Variants in IGF2BP1 observed in about 807,000 individuals in gnomAD.
The protein encoded by IGF2BP1 is insulin-like growth factor 2 mRNA-binding protein 1.
A neutral mutation model predicts 74.9 loss-of-function variants in IGF2BP1; 11 were observed. The ratio of observed to expected loss-of-function variants is 0.15; its 90% CI spans 0.09 to 0.24. The LOEUF is 0.24. Ranked by LOEUF, IGF2BP1 falls within the 10% of genes least tolerant of loss-of-function variation. The probability of loss-of-function intolerance (pLI) is 1.00; values close to 1 mark genes in which losing one functional copy is unlikely to be tolerated. For missense variants in IGF2BP1, 440 were observed against 757.4 expected (o/e 0.58, Z 4.92); for synonymous variants, 287 against 281.8 (o/e 1.02, Z -0.18).
chr17:49,044,065 G>T lies in IGF2BP1; in HGVS notation c.1299G>T (p.Arg433=). Residue 433 remains arginine (R), a synonymous_variant, in exon 11 of 15, where the codon CGG becomes CGT. Coordinates refer to ENST00000290341, the MANE Select transcript of IGF2BP1 (RefSeq NM_006546.4). ...KKGQHIKQLS[R]FASASIKIAP... Reference sequence around the variant, plus strand: ...GGCAGCACATCAAACAGCTCTCCCGGTTTGCCAGCGCCTCCATCAAGGTGA... The same window carrying T: ...GGCAGCACATCAAACAGCTCTCCCGTTTTGCCAGCGCCTCCATCAAGGTGA... The T allele has an allele frequency of 6.2e-7, 1 of 1,614,148 alleles. No homozygotes were observed. The highest frequency in any genetic ancestry group is 8.5e-7 in the Non-Finnish European group (1 of 1,180,022).
In IGF2BP1 at chr17:49,038,416, C is replaced by T; in HGVS notation, c.650C>T (p.Thr217Ile). 1.3e-6 allele frequency: 2 copies of T among 1,567,192 alleles called. No individual in the cohort carries two copies. Among genetic ancestry groups the T allele is most frequent in the Non-Finnish European group, 1.7e-6 (2 of 1,155,820 alleles). Residue 217 changes from threonine (T) to isoleucine (I), a missense_variant, in exon 6 of 15, where the codon ACC becomes ATC. Thr to Ile is a moderately conservative substitution (Grantham distance 89, BLOSUM62 -1). Coordinates refer to ENST00000290341, the MANE Select transcript of IGF2BP1 (RefSeq NM_006546.4). Reference sequence around the variant, plus strand: ...GCCATTATTGGCAAGGAGGGGGCCACCATCCGCAACATCACAAAACAGACC... The same window carrying T: ...GCCATTATTGGCAAGGAGGGGGCCATCATCCGCAACATCACAAAACAGACC... ...VGAIIGKEGA[T>I]IRNITKQTQS... is the part of the protein sequence containing the mutation.
intron 2 of IGF2BP1, among the ~76,000 whole-genome samples, chr17:49,024,995 C>T (rs1236520716): frequency 6.6e-6 from 1 of 152,078 alleles, no homozygotes; most frequent in Non-Finnish European, 1.5e-5. Context: ...AGTTCAAGAC[C>T]AGCCTGACCA....
rs541412561 is a variant in IGF2BP1 at position 49,053,237 on chromosome 17, G to C, written c.*3793G>C. 2.0e-5 allele frequency: 3 copies of C among 152,800 alleles called. No homozygotes were observed. The highest frequency in any genetic ancestry group is 2.0e-4 in the Admixed American group (3 of 15,304). The allele number at this position is 152,800 out of a possible 1,614,324, so 9.5% of individuals were successfully genotyped here. ...CATTTAAAACCCAGAGAACACTGGA[G>C]GGGGATGCTCTAGTTGGTTCTGTGT... On this transcript the variant is annotated 3_prime_UTR_variant, in exon 15 of 15. Coordinates refer to ENST00000290341, the MANE Select transcript of IGF2BP1 (RefSeq NM_006546.4).
At position 49,026,671 on chromosome 17, in the gene IGF2BP1, T is replaced by TCCTTCCTG. The variant is rs58556952; in HGVS notation, c.337+198_337+205dup. Among the ~76,000 whole-genome samples, 152 of 134,432 alleles carry TCCTTCCTG rather than the reference T, an allele frequency of 1.1e-3. 1 individual carries two copies. Among genetic ancestry groups the TCCTTCCTG allele is most frequent in the East Asian group, 3.1e-3 (15 of 4,890 alleles). The allele number at this position is 134,432 out of a possible 152,430, so 88.2% of individuals were successfully genotyped here. On this transcript the variant is annotated intron_variant, in intron 4 of 14. Transcript: ENST00000290341. ...TGCCTGCCTTCCTGCCTTCCTGCCTTCCTTCCTGCCTTCCTGCCTTCCTGC... is the reference window on the plus strand; with the variant it reads ...TGCCTGCCTTCCTGCCTTCCTGCCTTCCTTCCTGCCTTCCTGCCTTCCTGCCTTCCTGC...
chr17:49,029,049 C>T (rs962022303), intron 4 of IGF2BP1, among the ~76,000 whole-genome samples: 1 of 152,164 alleles, frequency 6.6e-6, no homozygotes, highest in African/African-American at 2.4e-5. Flanking sequence ...TTGTGATCCG[C>T]CCACCTCGGC....
chr17:49,010,932 C>A (rs932587139), intron 2 of IGF2BP1, among the ~76,000 whole-genome samples: 3 of 151,046 alleles, frequency 2.0e-5, no homozygotes, highest in African/African-American at 7.3e-5. Context: ...TTAAGAAGAG[C>A]CTCGTGGACC....
chr17:49,001,449 T>C (rs566766375), intron 2 of IGF2BP1, among the ~76,000 whole-genome samples: 3 of 152,314 alleles, frequency 2.0e-5, no homozygotes, highest in African/African-American at 7.2e-5. Flanking sequence ...AACAACTAAA[T>C]GTTCCTGGTT....
chr17:49,052,730 T>G lies in IGF2BP1; in HGVS notation c.*3286T>G, dbSNP rs1201661455. On this transcript the variant is annotated 3_prime_UTR_variant, in exon 15 of 15. Coordinates refer to ENST00000290341, the MANE Select transcript of IGF2BP1 (RefSeq NM_006546.4). ...CCTGCTCAGCACCTCCATTTCCCCA[T>G]CCTTGGTGAGATAACAAGCTATCGC... The G allele has an allele frequency of 6.6e-6, 1 of 152,292 alleles. No individual in the cohort carries two copies. Among genetic ancestry groups the G allele is most frequent in the Non-Finnish European group, 1.5e-5 (1 of 67,980 alleles). 9.4% of individuals were successfully genotyped at this position (152,292 alleles called of 1,614,324 possible). A position where few individuals can be genotyped will look rare whatever the true frequency, so the allele number is the denominator to read the frequency against.
At chr17:49,004,090 C>G (rs1325351093) in intron 2 of IGF2BP1, among the ~76,000 whole-genome samples, 7 of 152,152 alleles carry the variant, frequency 4.6e-5, no homozygotes, top group Non-Finnish European at 8.8e-5. Flanking sequence ...CCCAGCCCGG[C>G]AATCTCGTCT....
At chr17:49,039,883 G>A (rs1383293915) in intron 6 of IGF2BP1, 74 bp from the exon 7 acceptor site, 1 of 1,514,014 alleles carries the variant, frequency 6.6e-7, no homozygotes, top group African/African-American at 1.4e-5. Context: ...ACTGAGGAGG[G>A]GTAGTGGGGT....
chr17:49,040,248 C>CT (rs2144122965), intron 7 of IGF2BP1, among the ~76,000 whole-genome samples, 157 bp downstream of exon 7: 1 of 152,336 alleles, frequency 6.6e-6, no homozygotes, highest in South Asian at 2.1e-4. Context: ...TCTTACAGGA[C>CT]TTTGTCACCT....
intron 4 of IGF2BP1, among the ~76,000 whole-genome samples, chr17:49,031,182 G>A (rs1232002731): frequency 1.3e-5 from 2 of 151,756 alleles, no homozygotes; most frequent in African/African-American, 2.4e-5. Flanking sequence ...GCGTTGGCTC[G>A]TTGCAACCTC....
chr17:49,044,890 G>A, intron 11 of IGF2BP1, 101 bp from the exon 12 acceptor site: 1 of 950,406 alleles, frequency 1.1e-6, no homozygotes, highest in Non-Finnish European at 1.7e-6. Flanking sequence ...TTCAGAATGG[G>A]TAGTTGGGAG....
rs2042095495 is a variant in IGF2BP1, at chr17:49,045,075, T to G, written c.1395+10T>G. The G allele has an allele frequency of 6.2e-7, 1 of 1,611,766 alleles. No individual in the cohort carries two copies. The highest frequency in any genetic ancestry group is 1.3e-5 in the African/African-American group (1 of 74,876). ...AGAGGCCCAATTCAAGGTTTTGGTC[T>G]TTATTGTTTTCCAAGCTGAACATGG... On this transcript the variant is annotated intron_variant, in intron 12 of 14. Transcript: ENST00000290341.
intron 2 of IGF2BP1, among the ~76,000 whole-genome samples, chr17:49,000,163 T>C (rs572867347): frequency 6.6e-6 from 1 of 152,252 alleles, no homozygotes; most frequent in Non-Finnish European, 1.5e-5. Flanking sequence ...GTGTAGAGTT[T>C]GCTCTCATGT....
At position 49,023,920 on chromosome 17, in the gene IGF2BP1, CTTTT is replaced by C. The variant is rs34560426; in HGVS notation, c.237-1685_237-1682del. 2.9e-5 allele frequency among the ~76,000 whole-genome samples: 4 copies of C among 138,428 alleles called. No individual in the cohort carries two copies. In the South Asian group the frequency reaches 9.2e-4, roughly 32 times the overall value. 90.8% of individuals were successfully genotyped at this position (138,428 alleles called of 152,430 possible). Reference sequence around the variant, plus strand: ...GAAAGCCTTCCTCAGGGAAAACTACCTTTTTTTTTTTTTTTTAAACAAGTCTCAT... The same window carrying C: ...GAAAGCCTTCCTCAGGGAAAACTACCTTTTTTTTTTTTAAACAAGTCTCAT... On this transcript the variant is annotated intron_variant, in intron 2 of 14. Coordinates refer to ENST00000290341, the MANE Select transcript of IGF2BP1 (RefSeq NM_006546.4).
intron 5 of IGF2BP1, among the ~76,000 whole-genome samples, chr17:49,033,937 A>C (rs2041952701): frequency 6.6e-6 from 1 of 151,740 alleles, no homozygotes; most frequent in African/African-American, 2.4e-5. Context: ...CTCCTGCCTC[A>C]GCCTCTAAAG....
intron 2 of IGF2BP1, among the ~76,000 whole-genome samples, chr17:49,008,586 T>C (rs2041579151): frequency 6.6e-6 from 1 of 152,166 alleles, no homozygotes; most frequent in Non-Finnish European, 1.5e-5. Context: ...CTTTCCCTCT[T>C]GCTGGCCATC....
rs1435878193 is a variant in IGF2BP1, at chr17:49,040,026, G to C, written c.753G>C (p.Glu251Asp). Reference protein sequence around the residue: ...EKAISVHSTPEGCSSACKMIL... With the variant: ...EKAISVHSTPDGCSSACKMIL... The stretch of plus-strand genomic sequence containing the variant: ...CCATCAGTGTGCACTCCACCCCTGA[G>C]GGCTGCTCCTCCGCTTGTAAGATGA... The change falls in exon 7 of 15, where the codon GAG becomes GAC. Residue 251 changes from glutamate to aspartate, a missense_variant. Physicochemically the swap from Glu to Asp is conservative, Grantham distance 45 (BLOSUM62 2). Transcript: ENST00000290341. The C allele has an allele frequency of 6.2e-7, 1 of 1,613,886 alleles. No individual in the cohort carries two copies. Among genetic ancestry groups the C allele is most frequent in the Non-Finnish European group, 8.5e-7 (1 of 1,180,006 alleles).
Sources: allele counts gnomAD v4.1 joint callset (sites outside exome capture counted in the v4.1 genomes callset), GRCh38; gene constraint gnomAD v4.1.1; transcripts MANE v1.5; gene names NCBI Gene and HGNC (gene_info 2026-07-23, HGNC 2026-07-21).